Variants in MAPK10 observed in about 807,000 individuals in gnomAD.
The protein encoded by MAPK10 is mitogen-activated protein kinase 10, also known as JNK3 alpha protein kinase.
MAPK10 carries 25 observed loss-of-function variants against 59.3 expected under a neutral mutation model. That is an observed-to-expected ratio of 0.42 (90% CI 0.31 to 0.59). The LOEUF is 0.59. Among genes scored for constraint, MAPK10 ranks in the 20% least tolerant of loss-of-function variants. The pLI, the probability that MAPK10 is intolerant of heterozygous loss-of-function variation, is 0.15. For synonymous variants in MAPK10, 190 were observed against 200.5 expected, an observed-to-expected ratio of 0.95 and a Z score of 0.44; for missense variants, 351 against 568.9, an observed-to-expected ratio of 0.62 and a Z score of 3.90.
intron 11 of MAPK10, among the ~76,000 whole-genome samples, chr4:86,033,485 C>G (rs773391081): frequency 6.6e-6 from 1 of 152,226 alleles, no homozygotes; most frequent in Non-Finnish European, 1.5e-5. Context: ...TTGAACATGG[C>G]TCAAGAGTAC....
At chr4:86,250,517 T>C (rs991244848) in intron 2 of MAPK10, among the ~76,000 whole-genome samples, 1 of 152,082 alleles carries the variant, frequency 6.6e-6, no homozygotes, top group African/African-American at 2.4e-5. Context: ...AATTTTAGAG[T>C]GAAAAAATTT....
At chr4:86,446,223 A>ACAC (rs1421511345) in intron 1 of MAPK10, among the ~76,000 whole-genome samples, 2 of 152,116 alleles carry the variant, frequency 1.3e-5, no homozygotes, top group Non-Finnish European at 2.9e-5. Flanking sequence ...GTGGATTTGG[A>ACAC]TTAGCTGTAA....
At chr4:86,191,312 G>T (rs540616427) in intron 3 of MAPK10, among the ~76,000 whole-genome samples, 2 of 152,166 alleles carry the variant, frequency 1.3e-5, no homozygotes, top group African/African-American at 4.8e-5. Context: ...TTAATTTTCT[G>T]CCTCGTTGAT....
At chr4:86,108,959 G>T (rs192415283) in intron 4 of MAPK10, among the ~76,000 whole-genome samples, 1 of 152,244 alleles carries the variant, frequency 6.6e-6, no homozygotes, top group East Asian at 1.9e-4. Context: ...GTCAGATGTG[G>T]TTTCAAGTCC....
At chr4:86,232,378 T>C (rs1001619657) in intron 2 of MAPK10, among the ~76,000 whole-genome samples, 50 of 151,668 alleles carry the variant, frequency 3.3e-4, no homozygotes, top group African/African-American at 1.1e-3. Context: ...AGAATCAATT[T>C]TTTTTTTTTT....
chr4:86,478,953 T>A (rs1473302953), intron 1 of MAPK10, among the ~76,000 whole-genome samples: 2 of 152,264 alleles, frequency 1.3e-5, no homozygotes, highest in African/African-American at 4.8e-5. Flanking sequence ...CAGAGATTAT[T>A]CAGGCCCCCT....
intron 2 of MAPK10, among the ~76,000 whole-genome samples, chr4:86,206,278 G>A (rs531945102): frequency 1.3e-5 from 2 of 151,344 alleles, no homozygotes; most frequent in African/African-American, 4.9e-5. Flanking sequence ...TCCCACCTAT[G>A]AGTGAGAATA....
chr4:86,502,967 G>T (rs1189720799), intron 1 of MAPK10, among the ~76,000 whole-genome samples: 1 of 152,052 alleles, frequency 6.6e-6, no homozygotes, highest in Non-Finnish European at 1.5e-5. Context: ...ATTCTAGGAA[G>T]AAGGGTGGGA....
intron 2 of MAPK10, among the ~76,000 whole-genome samples, chr4:86,350,352 C>T (rs540259737): frequency 5.9e-5 from 9 of 152,056 alleles, no homozygotes; most frequent in Non-Finnish European, 1.3e-4. Flanking sequence ...GTAGCTGGGA[C>T]TACAGGAACC....
intron 1 of MAPK10, among the ~76,000 whole-genome samples, chr4:86,553,049 T>C (rs1007737007): frequency 1.3e-5 from 2 of 152,198 alleles, no homozygotes; most frequent in African/African-American, 4.8e-5. Context: ...CATAAAACCG[T>C]GGCAGCTTAC....
At chr4:86,209,332 A>G (rs1377841561) in intron 2 of MAPK10, among the ~76,000 whole-genome samples, 1 of 152,120 alleles carries the variant, frequency 6.6e-6, no homozygotes, top group Non-Finnish European at 1.5e-5. Context: ...AACACTGCTA[A>G]TGAATAAAAG....
At chr4:86,567,026 G>A (rs1013010632) in intron 1 of MAPK10, among the ~76,000 whole-genome samples, 5 of 152,078 alleles carry the variant, frequency 3.3e-5, no homozygotes, top group African/African-American at 9.7e-5. Flanking sequence ...AGCTGTGATC[G>A]CTCCAGCCTG....
At chr4:86,522,168 A>C (rs78763456) in intron 1 of MAPK10, among the ~76,000 whole-genome samples, 7,129 of 152,194 alleles carry the variant, frequency 0.047, 222 homozygotes, top group African/African-American at 0.059. Flanking sequence ...TTATCCCTCT[A>C]TCACACTTTG....
At chr4:86,044,151 A>G (rs1209383176) in intron 11 of MAPK10, among the ~76,000 whole-genome samples, 1 of 152,184 alleles carries the variant, frequency 6.6e-6, no homozygotes. Context: ...TTCCACGTCC[A>G]CTCAGAGGGG....
chr4:86,193,369 G>A (rs1388833610), intron 3 of MAPK10: 1 of 152,234 alleles, frequency 6.6e-6, no homozygotes, highest in African/African-American at 2.4e-5. Flanking sequence ...CCTTCACCCA[G>A]GTACTCTGTC....
At chr4:86,576,649 C>T (rs1167372473) in intron 1 of MAPK10, among the ~76,000 whole-genome samples, 3 of 152,004 alleles carry the variant, frequency 2.0e-5, no homozygotes, top group Non-Finnish European at 4.4e-5. Context: ...TGGCGGGTGC[C>T]TGTAGTCCCA....
chr4:86,255,162 T>G (rs6531908), intron 2 of MAPK10, among the ~76,000 whole-genome samples: 70,379 of 151,934 alleles, frequency 0.46, 20,467 homozygotes, highest in African/African-American at 0.83. Context: ...TAGAGAGTAG[T>G]AAAATGGAGA....
At chr4:86,580,954 T>C (rs1335827297) in intron 1 of MAPK10, among the ~76,000 whole-genome samples, 1 of 152,234 alleles carries the variant, frequency 6.6e-6, no homozygotes, top group African/African-American at 2.4e-5. Flanking sequence ...TGAGAGTTTC[T>C]CTGTGGCCCT....
intron 2 of MAPK10, among the ~76,000 whole-genome samples, chr4:86,316,594 C>A (rs747681648): frequency 6.6e-6 from 1 of 151,836 alleles, no homozygotes; most frequent in South Asian, 2.1e-4. Context: ...TCTCATTGGT[C>A]GAAATAAGAC....
Sources: allele counts gnomAD v4.1 joint callset (sites outside exome capture counted in the v4.1 genomes callset), GRCh38; gene constraint gnomAD v4.1.1; transcripts MANE v1.5; gene names NCBI Gene and HGNC (gene_info 2026-07-23, HGNC 2026-07-21).